WDFY4: variants seen among roughly 807,000 people sequenced by gnomAD.
WDFY4 encodes the protein WDFY family member 4.
In WDFY4, 169 loss-of-function variants were observed where a neutral mutation model predicts 351.9. That is an observed-to-expected ratio of 0.48 (90% CI 0.42 to 0.55). The LOEUF is 0.55. WDFY4 is among the 20% of genes least tolerant of loss of function. The pLI is 0.00. For missense variants in WDFY4, 3,803 were observed against 3,935.6 expected (o/e 0.97, Z 0.90); for synonymous variants, 1,622 against 1,574.6 (o/e 1.03, Z -0.71).
chr10:48,969,086 C>A lies in WDFY4; in HGVS notation c.8607C>A (p.Gly2869=). 1 of 1,551,662 alleles carries A rather than the reference C, an allele frequency of 6.4e-7. No homozygotes were observed. Among genetic ancestry groups the A allele is most frequent in the Non-Finnish European group, 8.7e-7 (1 of 1,146,908 alleles). ...TAGATATGTACCTCTTTTCTCTAGG[C>A]TCAGAGTCCCCCAAAGGGGCCATTG... ...TVKDMYLFSL[G]SESPKGAIGH... Residue 2869 remains glycine (G), a synonymous_variant, in exon 56 of 62, where the codon GGC becomes GGA. Coordinates refer to ENST00000325239, the MANE Select transcript of WDFY4 (RefSeq NM_001394531.1).
At chr10:48,960,201 C>A (rs1464550384) in intron 53 of WDFY4, among the ~76,000 whole-genome samples, 1 of 152,206 alleles carries the variant, frequency 6.6e-6, no homozygotes, top group East Asian at 1.9e-4. Context: ...TTTTCCAGAA[C>A]TGGGGAGAAA....
chr10:48,805,465 C>T, intron 26 of WDFY4, 44 bp downstream of exon 26: 1 of 1,535,906 alleles, frequency 6.5e-7, no homozygotes. Context: ...GGCCCCAGGG[C>T]TGTTTAAAAA....
At chr10:48,808,755 G>C (rs2457213) in intron 28 of WDFY4, among the ~76,000 whole-genome samples, 6,214 of 152,248 alleles carry the variant, frequency 0.041, 454 homozygotes, top group African/African-American at 0.14. Flanking sequence ...AAATGAGATA[G>C]TCCAGCCACT....
intron 39 of WDFY4, among the ~76,000 whole-genome samples, chr10:48,861,839 C>A (rs1480257389): frequency 6.6e-6 from 1 of 152,040 alleles, no homozygotes; most frequent in Non-Finnish European, 1.5e-5. Context: ...AAGATTAAAT[C>A]TTTTGTTATA....
intron 42 of WDFY4, among the ~76,000 whole-genome samples, chr10:48,875,817 G>A (rs1303023978): frequency 6.6e-6 from 1 of 152,234 alleles, no homozygotes; most frequent in African/African-American, 2.4e-5. Context: ...AAGCCCAGAA[G>A]TGAGGATCTT....
At chr10:48,974,006 C>A (rs756798870) in intron 57 of WDFY4, among the ~76,000 whole-genome samples, 3 of 152,170 alleles carry the variant, frequency 2.0e-5, no homozygotes, top group Non-Finnish European at 4.4e-5. Flanking sequence ...GTTCCCTTAC[C>A]GAGATGGCTC....
intron 39 of WDFY4, among the ~76,000 whole-genome samples, chr10:48,851,274 G>A (rs1394641869): frequency 3.3e-5 from 5 of 152,218 alleles, no homozygotes; most frequent in Admixed American, 6.5e-5. Flanking sequence ...TGACTGCATA[G>A]CATTCTATCA....
At chr10:48,779,898 T>C (rs2066161844) in intron 18 of WDFY4, 43 bp from the exon 19 acceptor site, 1 of 1,548,794 alleles carries the variant, frequency 6.5e-7, no homozygotes, top group African/African-American at 1.4e-5. Flanking sequence ...GTTCCTGCAG[T>C]GTAGCACCAC....
intron 47 of WDFY4, among the ~76,000 whole-genome samples, chr10:48,912,512 G>A: frequency 6.6e-6 from 1 of 152,356 alleles, no homozygotes; most frequent in African/African-American, 2.4e-5. Context: ...GGGATCTCCT[G>A]AATGCCTCAG....
chr10:48,792,862 C>T (rs1325065338), intron 23 of WDFY4, among the ~76,000 whole-genome samples: 2 of 152,134 alleles, frequency 1.3e-5, no homozygotes. Flanking sequence ...GTCTCATTGC[C>T]TAGTCCTGGG....
chr10:48,792,702 C>A (rs764859307), intron 23 of WDFY4, among the ~76,000 whole-genome samples: 28 of 152,036 alleles, frequency 1.8e-4, no homozygotes, highest in Non-Finnish European at 2.9e-4. Flanking sequence ...AAATAAGAAC[C>A]AAAATAATTT....
intron 12 of WDFY4, chr10:48,745,849 C>T: frequency 3.0e-6 from 1 of 328,140 alleles, no homozygotes; most frequent in South Asian, 3.1e-5. Context: ...TCCAAGGCAG[C>T]CTGGCCTCGC....
chr10:48,898,154 A>G (rs558777691), intron 45 of WDFY4, among the ~76,000 whole-genome samples: 1 of 152,266 alleles, frequency 6.6e-6, no homozygotes, highest in Admixed American at 6.5e-5. Flanking sequence ...TGCAACAGTG[A>G]TGGTGGCTCC....
chr10:48,747,673 T>TG (rs1180826153), intron 12 of WDFY4, among the ~76,000 whole-genome samples: 1 of 152,216 alleles, frequency 6.6e-6, no homozygotes, highest in African/African-American at 2.4e-5. Flanking sequence ...AATGACAGTA[T>TG]TTTATATGTC....
chr10:48,843,323 A>C (rs2068671602), intron 39 of WDFY4, among the ~76,000 whole-genome samples: 2 of 152,252 alleles, frequency 1.3e-5, no homozygotes, highest in Non-Finnish European at 1.5e-5. Context: ...TGAGGAAAAA[A>C]TTGAGTAATA....
chr10:48,938,116 T>C (rs74546395), intron 47 of WDFY4, among the ~76,000 whole-genome samples: 4,147 of 152,358 alleles, frequency 0.027, 98 homozygotes, highest in Non-Finnish European at 0.033. Context: ...GTATGCCTAG[T>C]GCTTCTTAAC....
chr10:48,708,379 C>T (rs1367098074), intron 1 of WDFY4, among the ~76,000 whole-genome samples: 1 of 152,166 alleles, frequency 6.6e-6, no homozygotes, highest in African/African-American at 2.4e-5. Context: ...GTAACCCAAC[C>T]ACTGCTGTAG....
chr10:48,804,803 T>C, intron 25 of WDFY4: 1 of 983,684 alleles, frequency 1.0e-6, no homozygotes, highest in Non-Finnish European at 1.2e-6. Context: ...GGATTCTGTC[T>C]TTTTCTCCTT....
chr10:48,817,391 C>T lies in WDFY4; in HGVS notation c.5487C>T (p.Phe1829=). 6.4e-7 allele frequency: 1 copy of T among 1,550,698 alleles called. No individual in the cohort carries two copies. The highest frequency in any genetic ancestry group is 8.7e-7 in the Non-Finnish European group (1 of 1,146,284). ...TCCAGACCTTGGCCATAGCCGCCTTCCCCCTGGGAGCCCAAAAGGTAGGAC... is the reference window on the plus strand; with the variant it reads ...TCCAGACCTTGGCCATAGCCGCCTTTCCCCTGGGAGCCCAAAAGGTAGGAC... ...EFLQTLAIAA[F]PLGAQKGVGA... is the part of the protein sequence containing the mutation. Residue 1829 remains phenylalanine, a synonymous_variant, in exon 32 of 62, where the codon TTC becomes TTT. Coordinates refer to ENST00000325239, the MANE Select transcript of WDFY4 (RefSeq NM_001394531.1).
Sources: allele counts gnomAD v4.1 joint callset (sites outside exome capture counted in the v4.1 genomes callset), GRCh38; gene constraint gnomAD v4.1.1; transcripts MANE v1.5; gene names NCBI Gene and HGNC (gene_info 2026-07-23, HGNC 2026-07-21).